The following NKAIN2 variants were observed in gnomAD, a reference collection of about 807,000 sequenced individuals.
NKAIN2 encodes sodium/potassium transporting ATPase interacting 2, also known as sodium/potassium-transporting ATPase subunit beta-1-interacting protein 2.
In NKAIN2, 14 loss-of-function variants were observed where a neutral mutation model predicts 32.6. That is an observed-to-expected ratio of 0.43 (90% CI 0.28 to 0.67). The LOEUF (loss-of-function observed/expected upper bound fraction) is 0.67. NKAIN2 is among the 30% of genes least tolerant of loss of function. The probability of loss-of-function intolerance (pLI) is 0.17; values close to 1 mark genes in which losing one functional copy is unlikely to be tolerated. For synonymous variants in NKAIN2, 80 were observed against 87.2 expected (o/e 0.92, Z 0.46); for missense variants, 198 against 258.3 (o/e 0.77, Z 1.60).
At chr6:124,136,340 G>C (rs556538000) in intron 1 of NKAIN2, among the ~76,000 whole-genome samples, 28 of 152,106 alleles carry the variant, frequency 1.8e-4, no homozygotes, top group South Asian at 1.2e-3. Context: ...TGAACAGACC[G>C]AGAACAAGTA....
chr6:124,474,883 T>TGTA (rs1777133392), intron 3 of NKAIN2, among the ~76,000 whole-genome samples: 2 of 41,102 alleles, frequency 4.9e-5, no homozygotes, highest in Non-Finnish European at 1.1e-4. Flanking sequence ...TATTGTATAT[T>TGTA]ATATATTATA....
At chr6:124,247,743 T>C (rs550802739) in intron 1 of NKAIN2, among the ~76,000 whole-genome samples, 1 of 152,284 alleles carries the variant, frequency 6.6e-6, no homozygotes, top group East Asian at 1.9e-4. Context: ...GCAATGATTA[T>C]TCCAGTTCTC....
At chr6:124,048,400 A>C (rs1782245028) in intron 1 of NKAIN2, among the ~76,000 whole-genome samples, 1 of 152,034 alleles carries the variant, frequency 6.6e-6, no homozygotes, top group South Asian at 2.1e-4. Flanking sequence ...ATAATAAATA[A>C]GAAGAAAGGC....
chr6:124,149,078 A>G (rs1016698666), intron 1 of NKAIN2, among the ~76,000 whole-genome samples: 9 of 152,012 alleles, frequency 5.9e-5, no homozygotes, highest in African/African-American at 2.2e-4. Context: ...ATTCTTTAAC[A>G]TTCTTGTAAG....
At chr6:124,269,890 G>A (rs1794675569) in intron 1 of NKAIN2, among the ~76,000 whole-genome samples, 1 of 152,090 alleles carries the variant, frequency 6.6e-6, no homozygotes, top group Middle Eastern at 3.2e-3. Flanking sequence ...AGTAAGTGAG[G>A]CTGTCATTTC....
At chr6:124,770,804 T>C (rs1323327176) in intron 4 of NKAIN2, among the ~76,000 whole-genome samples, 1 of 152,084 alleles carries the variant, frequency 6.6e-6, no homozygotes, top group Non-Finnish European at 1.5e-5. Flanking sequence ...CAATGATTCT[T>C]ACTTGTTTTC....
chr6:124,551,066 G>A (rs933943864), intron 3 of NKAIN2, among the ~76,000 whole-genome samples: 1 of 152,166 alleles, frequency 6.6e-6, no homozygotes, highest in Non-Finnish European at 1.5e-5. Flanking sequence ...GTGCAGATGT[G>A]GAGTAGGCAG....
chr6:123,963,122 C>G (rs1777924744), intron 1 of NKAIN2, among the ~76,000 whole-genome samples: 1 of 152,170 alleles, frequency 6.6e-6, no homozygotes, highest in African/African-American at 2.4e-5. Context: ...CTCATACAGT[C>G]ACCTTATGTA....
chr6:124,398,472 G>A (rs1773491704), intron 3 of NKAIN2, among the ~76,000 whole-genome samples: 1 of 151,958 alleles, frequency 6.6e-6, no homozygotes, highest in African/African-American at 2.4e-5. Flanking sequence ...AGGTGAGAAT[G>A]AAAGGTATGA....
At chr6:124,523,596 G>C (rs1259786843) in intron 3 of NKAIN2, among the ~76,000 whole-genome samples, 1 of 151,970 alleles carries the variant, frequency 6.6e-6, no homozygotes, top group Non-Finnish European at 1.5e-5. Context: ...TTAGATCTTG[G>C]CAAAATTAAA....
chr6:124,200,029 T>A (rs1386841682), intron 1 of NKAIN2, among the ~76,000 whole-genome samples: 1 of 152,118 alleles, frequency 6.6e-6, no homozygotes, highest in African/African-American at 2.4e-5. Flanking sequence ...ATGAGGAAAA[T>A]TAGCTAAAAA....
intron 1 of NKAIN2, among the ~76,000 whole-genome samples, chr6:124,263,464 C>T (rs1458296327): frequency 6.6e-6 from 1 of 152,168 alleles, no homozygotes; most frequent in African/African-American, 2.4e-5. Flanking sequence ...GCTCTGCGGA[C>T]ACAAGCTTCA....
At chr6:124,046,088 A>G (rs1782111503) in intron 1 of NKAIN2, among the ~76,000 whole-genome samples, 1 of 151,818 alleles carries the variant, frequency 6.6e-6, no homozygotes, top group South Asian at 2.1e-4. Flanking sequence ...TTTTTTTTCC[A>G]TAGGTTTTCA....
intron 1 of NKAIN2, among the ~76,000 whole-genome samples, chr6:124,042,704 A>G (rs1582520525): frequency 1.3e-5 from 2 of 152,076 alleles, no homozygotes; most frequent in Admixed American, 1.3e-4. Flanking sequence ...CATGGTATAG[A>G]GCTAGTTAAC....
chr6:124,824,270 A>G lies in NKAIN2; in HGVS notation c.*1041A>G, dbSNP rs541985112. ...GAGGCCAACTGAATATGTATTAGCT[A>G]TGTTTACTCTTTTATATCTAATTCA... On this transcript the variant is annotated 3_prime_UTR_variant, in exon 7 of 7. Coordinates refer to ENST00000368417, the MANE Select transcript of NKAIN2 (RefSeq NM_001040214.3). 7 of 152,438 alleles carry G rather than the reference A, an allele frequency of 4.6e-5. No individual in the cohort carries two copies. Among genetic ancestry groups the G allele is most frequent in the Non-Finnish European group, 7.4e-5 (5 of 68,024 alleles). The allele number at this position is 152,438 out of a possible 1,614,324, so 9.4% of individuals were successfully genotyped here. A position where few individuals can be genotyped will look rare whatever the true frequency, so the allele number is the denominator to read the frequency against.
In NKAIN2 at chr6:123,899,450, A is replaced by G. The variant is rs528965475; in HGVS notation, c.54+95196A>G. Among the ~76,000 whole-genome samples, 8 of 152,254 alleles carry G rather than the reference A, an allele frequency of 5.3e-5. No individual in the cohort carries two copies. The South Asian group carries it at 1.4e-3, about 28-fold the overall frequency. On this transcript the variant is annotated intron_variant, in intron 1 of 6. Coordinates refer to ENST00000368417, the MANE Select transcript of NKAIN2 (RefSeq NM_001040214.3). ...TCTTTTTAGAATTCATGATCACAGTAAAGTTCTTTCAGTCCCTGGGATGCT... is the reference window on the plus strand; with the variant it reads ...TCTTTTTAGAATTCATGATCACAGTGAAGTTCTTTCAGTCCCTGGGATGCT...
chr6:124,709,884 G>C (rs1775340916), intron 4 of NKAIN2, among the ~76,000 whole-genome samples: 1 of 152,038 alleles, frequency 6.6e-6, no homozygotes. Flanking sequence ...TTTTGAATGT[G>C]TTTGCTCTTG....
At chr6:123,896,874 C>T (rs1263537228) in intron 1 of NKAIN2, among the ~76,000 whole-genome samples, 1 of 152,160 alleles carries the variant, frequency 6.6e-6, no homozygotes, top group African/African-American at 2.4e-5. Context: ...TACCGTGAAA[C>T]ACTGAAACTC....
At chr6:124,658,959 A>AAT (rs5879751) in intron 4 of NKAIN2, 973 of 20,998 alleles carry the variant, frequency 0.046, 10 homozygotes, top group African/African-American at 0.076. Flanking sequence ...CTGTAACAAT[A>AAT]AAAAAAAAAA....
Sources: allele counts gnomAD v4.1 joint callset (sites outside exome capture counted in the v4.1 genomes callset), GRCh38; gene constraint gnomAD v4.1.1; transcripts MANE v1.5; gene names NCBI Gene and HGNC (gene_info 2026-07-23, HGNC 2026-07-21).